GALNTL6: variants seen among roughly 807,000 people sequenced by gnomAD.
GALNTL6 encodes polypeptide N-acetylgalactosaminyltransferase like 6.
GALNTL6 carries 46 observed loss-of-function variants against 73.7 expected under a neutral mutation model. That is an observed-to-expected ratio of 0.62 (90% CI 0.49 to 0.80). The LOEUF (loss-of-function observed/expected upper bound fraction) is 0.80. Ranked by LOEUF, GALNTL6 falls within the 30% of genes least tolerant of loss-of-function variation. The pLI, the probability that GALNTL6 is intolerant of heterozygous loss-of-function variation, is 0.00. For synonymous variants in GALNTL6, 259 were observed against 263.7 expected, an observed-to-expected ratio of 0.98 and a Z score of 0.17; for missense variants, 604 against 755.0, an observed-to-expected ratio of 0.80 and a Z score of 2.34.
chr4:172,112,809 G>T (rs1337427963), intron 2 of GALNTL6, among the ~76,000 whole-genome samples: 2 of 151,684 alleles, frequency 1.3e-5, no homozygotes, highest in Admixed American at 1.3e-4. Context: ...TATAAAAGAG[G>T]CCCCACAAAG....
chr4:172,444,296 T>C (rs1731941169), intron 5 of GALNTL6, among the ~76,000 whole-genome samples: 1 of 152,126 alleles, frequency 6.6e-6, no homozygotes, highest in Admixed American at 6.5e-5. Context: ...GAAAACACTG[T>C]TTGTTGGCCC....
At chr4:173,009,394 G>T in intron 11 of GALNTL6, 100 bp downstream of exon 11, 1 of 750,840 alleles carries the variant, frequency 1.3e-6, no homozygotes, top group South Asian at 1.5e-5. Flanking sequence ...GGTGCAGATG[G>T]TACTTGTGGG....
At chr4:172,231,903 C>T (rs1020258344) in intron 3 of GALNTL6, among the ~76,000 whole-genome samples, 23 of 152,138 alleles carry the variant, frequency 1.5e-4, no homozygotes, top group African/African-American at 5.3e-4. Context: ...CTATCTTCAT[C>T]TTTGCTATGA....
chr4:172,855,911 C>T (rs547004724), intron 7 of GALNTL6, among the ~76,000 whole-genome samples: 14 of 152,244 alleles, frequency 9.2e-5, no homozygotes, highest in East Asian at 3.9e-4. Context: ...GTGGTGCAAT[C>T]GACATAGGTC....
intron 2 of GALNTL6, among the ~76,000 whole-genome samples, chr4:171,913,764 C>T (rs1737538727): frequency 6.6e-6 from 1 of 152,086 alleles, no homozygotes; most frequent in Non-Finnish European, 1.5e-5. Flanking sequence ...GAAAACTTTA[C>T]ATTTCTAGTT....
chr4:173,008,151 G>A (rs778982282), intron 10 of GALNTL6, among the ~76,000 whole-genome samples: 1 of 152,130 alleles, frequency 6.6e-6, no homozygotes, highest in Non-Finnish European at 1.5e-5. Flanking sequence ...CCAAACTGAA[G>A]CCAAAGGTCA....
chr4:172,208,497 C>T (rs1403511398), intron 2 of GALNTL6, among the ~76,000 whole-genome samples: 2 of 152,092 alleles, frequency 1.3e-5, no homozygotes, highest in Admixed American at 6.5e-5. Flanking sequence ...GCCAAATCTG[C>T]TGAAGGCCTT....
chr4:173,002,896 C>T (rs1405977881), intron 10 of GALNTL6, among the ~76,000 whole-genome samples: 2 of 151,814 alleles, frequency 1.3e-5, no homozygotes, highest in Admixed American at 6.6e-5. Flanking sequence ...ATGGCAAACA[C>T]GGTATGGTTC....
At chr4:172,099,954 A>C (rs1321981491) in intron 2 of GALNTL6, among the ~76,000 whole-genome samples, 1 of 152,086 alleles carries the variant, frequency 6.6e-6, no homozygotes, top group African/African-American at 2.4e-5. Context: ...TACTACCACC[A>C]CTGAAAGAGG....
At chr4:172,978,359 T>C (rs995960199) in intron 10 of GALNTL6, among the ~76,000 whole-genome samples, 5 of 152,130 alleles carry the variant, frequency 3.3e-5, no homozygotes, top group Admixed American at 6.5e-5. Flanking sequence ...CTAGTTGAGC[T>C]CTAATGAGGA....
intron 7 of GALNTL6, among the ~76,000 whole-genome samples, chr4:172,877,419 T>C (rs1579598900): frequency 6.6e-6 from 1 of 152,010 alleles, no homozygotes; most frequent in East Asian, 1.9e-4. Flanking sequence ...CTACAAGCAT[T>C]AAGTACTGTA....
chr4:172,576,767 T>A (rs10027114), intron 5 of GALNTL6, among the ~76,000 whole-genome samples: 2,176 of 152,206 alleles, frequency 0.014, 53 homozygotes, highest in African/African-American at 0.05. Context: ...AAAAGCCTAA[T>A]AAGGAAACTA....
intron 5 of GALNTL6, among the ~76,000 whole-genome samples, chr4:172,594,927 G>C (rs1737794807): frequency 6.6e-6 from 1 of 152,170 alleles, no homozygotes; most frequent in East Asian, 1.9e-4. Context: ...CAGAACTGTA[G>C]TTCTCACATT....
At chr4:172,185,753 GACTTT>G (rs1735396776) in intron 2 of GALNTL6, among the ~76,000 whole-genome samples, 1 of 152,104 alleles carries the variant, frequency 6.6e-6, no homozygotes, top group Admixed American at 6.6e-5. Context: ...ACTAACAACT[GACTTT>G]AGTTTAACAC....
At chr4:172,099,482 C>T (rs72700910) in intron 2 of GALNTL6, among the ~76,000 whole-genome samples, 1 of 152,062 alleles carries the variant, frequency 6.6e-6, no homozygotes, top group Non-Finnish European at 1.5e-5. Flanking sequence ...GCCTTTTTTA[C>T]ATTATTAACT....
chr4:171,819,846 A>G (rs551521), intron 2 of GALNTL6, among the ~76,000 whole-genome samples: 1 of 152,130 alleles, frequency 6.6e-6, no homozygotes, highest in African/African-American at 2.4e-5. Flanking sequence ...CTCTGGAAAC[A>G]TCAGATCTTT....
chr4:171,881,938 T>C (rs1736463173), intron 2 of GALNTL6, among the ~76,000 whole-genome samples: 1 of 152,210 alleles, frequency 6.6e-6, no homozygotes, highest in Admixed American at 6.5e-5. Context: ...TGAATGCAAA[T>C]GCTTTTAGTA....
chr4:172,140,944 A>G (rs1200744890), intron 2 of GALNTL6, among the ~76,000 whole-genome samples: 1 of 152,052 alleles, frequency 6.6e-6, no homozygotes, highest in Non-Finnish European at 1.5e-5. Context: ...AAAGAAACCT[A>G]GCAACCTCCT....
intron 5 of GALNTL6, among the ~76,000 whole-genome samples, chr4:172,710,365 A>C (rs1734629070): frequency 1.3e-5 from 2 of 152,194 alleles, no homozygotes; most frequent in Admixed American, 1.3e-4. Flanking sequence ...TATTTGTAAT[A>C]ATAAAAAGTT....
Sources: gnomAD v4.1 joint callset for allele counts (sites outside exome capture counted in the v4.1 genomes callset) on GRCh38, gnomAD v4.1.1 for gene constraint, MANE v1.5 for transcripts, NCBI Gene and HGNC (gene_info 2026-07-23, HGNC 2026-07-21) for gene names.